DNM3: variants seen among roughly 807,000 people sequenced by gnomAD.
The protein encoded by DNM3 is dynamin 3, also known as dynamin-3.
DNM3 carries 47 observed loss-of-function variants against 101.6 expected under a neutral mutation model. The observed-to-expected ratio is 0.46, with a 90% CI of 0.37 to 0.59. The LOEUF is 0.59. Ranked by LOEUF, DNM3 falls within the 20% of genes least tolerant of loss-of-function variation. The pLI is 0.00. For missense variants in DNM3, 849 were observed against 1,085.7 expected (o/e 0.78, Z 3.06); for synonymous variants, 385 against 387.9 (o/e 0.99, Z 0.09).
At chr1:172,208,200 A>G (rs2060388384) in intron 14 of DNM3, among the ~76,000 whole-genome samples, 1 of 152,080 alleles carries the variant, frequency 6.6e-6, no homozygotes, top group African/African-American at 2.4e-5. Context: ...GTAGTAGAAG[A>G]CAGAAAACAG....
intron 2 of DNM3, among the ~76,000 whole-genome samples, chr1:171,976,916 A>G (rs887389855): frequency 3.3e-5 from 5 of 152,234 alleles, no homozygotes; most frequent in Non-Finnish European, 5.9e-5. Flanking sequence ...GGGAAACAGT[A>G]TTTTCATTTT....
chr1:172,332,309 C>CT (rs1558007192), intron 17 of DNM3, among the ~76,000 whole-genome samples: 2 of 152,190 alleles, frequency 1.3e-5, no homozygotes, highest in African/African-American at 2.4e-5. Flanking sequence ...TGGGGCTCCT[C>CT]TTTTTTTACT....
At chr1:172,282,270 G>C (rs2063518913) in intron 15 of DNM3, among the ~76,000 whole-genome samples, 1 of 152,012 alleles carries the variant, frequency 6.6e-6, no homozygotes, top group Admixed American at 6.6e-5. Flanking sequence ...ATATGGCCTT[G>C]TGAACTAATC....
chr1:172,177,396 G>T lies in DNM3; in HGVS notation c.1659+46108G>T, dbSNP rs1006284698. On this transcript the variant is annotated intron_variant, in intron 14 of 20. Coordinates refer to ENST00000627582, the MANE Select transcript of DNM3 (RefSeq NM_015569.5). ...ATAAATTCGACTTTATCATAGCTATGTATGTATGGGAAAAAAGACATGGTA... is the reference window on the plus strand; with the variant it reads ...ATAAATTCGACTTTATCATAGCTATTTATGTATGGGAAAAAAGACATGGTA... Among the ~76,000 whole-genome samples, 47 of 151,898 alleles carry T rather than the reference G, an allele frequency of 3.1e-4. 1 individual carries two copies. Among genetic ancestry groups the T allele is most frequent in the African/African-American group, 1.1e-3 (46 of 41,484 alleles).
chr1:172,338,132 G>A (rs939946901), intron 17 of DNM3, among the ~76,000 whole-genome samples: 2 of 151,798 alleles, frequency 1.3e-5, no homozygotes, highest in African/African-American at 4.8e-5. Context: ...GGCCAGGCTG[G>A]TCTCGAACTC....
intron 14 of DNM3, chr1:172,137,980 T>G (rs1481480381): frequency 6.6e-6 from 1 of 152,130 alleles, no homozygotes; most frequent in Admixed American, 6.6e-5. Flanking sequence ...TGCCTGAACA[T>G]CTCAAGATCT....
intron 14 of DNM3, among the ~76,000 whole-genome samples, chr1:172,236,886 G>A (rs4916245): frequency 0.36 from 55,042 of 151,920 alleles, 12,324 homozygotes; most frequent in Non-Finnish European, 0.47. Flanking sequence ...ATGTGAAGCA[G>A]CTTTTCTTAC....
intron 14 of DNM3, among the ~76,000 whole-genome samples, chr1:172,160,318 T>A (rs1373689981): frequency 6.6e-6 from 1 of 152,116 alleles, no homozygotes; most frequent in African/African-American, 2.4e-5. Context: ...TTCAAATTTT[T>A]AAAAACTTCT....
At chr1:171,859,795 A>G (rs2033985994) in intron 1 of DNM3, among the ~76,000 whole-genome samples, 3 of 152,196 alleles carry the variant, frequency 2.0e-5, no homozygotes, top group Admixed American at 2.0e-4. Flanking sequence ...TGGTCAGGGA[A>G]GCCAGTCTGA....
intron 16 of DNM3, among the ~76,000 whole-genome samples, chr1:172,315,307 A>C (rs1439997285): frequency 6.6e-6 from 1 of 152,194 alleles, no homozygotes; most frequent in Non-Finnish European, 1.5e-5. Flanking sequence ...AGAGCAGAAA[A>C]ACTGGAAACT....
rs1255470240 is a variant in DNM3 at position 172,407,934 on chromosome 1, T to A, written c.*93T>A. On this transcript the variant is annotated 3_prime_UTR_variant, in exon 21 of 21. Coordinates refer to ENST00000627582, the MANE Select transcript of DNM3 (RefSeq NM_015569.5). ...GCAGTAAATCATGAGTAGTCGCATG[T>A]GTGGACATCAGTAGGCAAGTAACCA... The A allele has an allele frequency of 2.5e-6, 4 of 1,599,030 alleles. No individual in the cohort carries two copies. The highest frequency in any genetic ancestry group is 3.4e-6 in the Non-Finnish European group (4 of 1,170,688).
chr1:172,239,798 C>CTTTTTTTTTTTTTTTTTTTTTTTTTTT lies in DNM3; in HGVS notation c.1660-13774_1660-13773insTTTTTTTTTTTTTTTTTTTTTTTTTTT, dbSNP rs369238528. Among the ~76,000 whole-genome samples the CTTTTTTTTTTTTTTTTTTTTTTTTTTT allele has an allele frequency of 3.7e-5, 4 of 106,868 alleles. 2 individuals are homozygous for CTTTTTTTTTTTTTTTTTTTTTTTTTTT. The allele number at this position is 106,868 out of a possible 152,430, so 70.1% of individuals were successfully genotyped here. A position where few individuals can be genotyped will look rare whatever the true frequency, so the allele number is the denominator to read the frequency against. On this transcript the variant is annotated intron_variant, in intron 14 of 20. Transcript: ENST00000627582. ...TTTCTCCAGCCCTGTCTTTTTTTTT[C>CTTTTTTTTTTTTTTTTTTTTTTTTTTT]TCTTTTTTTTTTTTTTTTTTTTGTA...
intron 14 of DNM3, among the ~76,000 whole-genome samples, chr1:172,194,135 G>A (rs1245263414): frequency 1.3e-5 from 2 of 152,124 alleles, no homozygotes; most frequent in African/African-American, 4.8e-5. Context: ...AGTCATTCAG[G>A]AGCAGGTTGT....
At chr1:172,114,352 G>C (rs2055735988) in intron 13 of DNM3, among the ~76,000 whole-genome samples, 1 of 152,206 alleles carries the variant, frequency 6.6e-6, no homozygotes, top group Non-Finnish European at 1.5e-5. Flanking sequence ...GTGGCAAAGA[G>C]TGGAAAGAGA....
chr1:172,038,655 A>G (rs2049140596), intron 7 of DNM3, among the ~76,000 whole-genome samples, 194 bp downstream of exon 7: 1 of 152,162 alleles, frequency 6.6e-6, no homozygotes, highest in African/African-American at 2.4e-5. Flanking sequence ...GTTATTATCA[A>G]CTTACCAGTT....
At chr1:172,294,721 T>G (rs1033761841) in intron 15 of DNM3, among the ~76,000 whole-genome samples, 7 of 152,098 alleles carry the variant, frequency 4.6e-5, no homozygotes, top group Non-Finnish European at 1.0e-4. Context: ...GAGACCAGCC[T>G]AGACAATCTG....
intron 1 of DNM3, among the ~76,000 whole-genome samples, chr1:171,888,277 G>A (rs2036956869): frequency 6.6e-6 from 1 of 152,040 alleles, no homozygotes; most frequent in African/African-American, 2.4e-5. Context: ...AAAGGATAGT[G>A]GAGCTGGGAA....
chr1:172,093,741 T>G, intron 13 of DNM3: 1 of 1,602,700 alleles, frequency 6.2e-7, no homozygotes, highest in Non-Finnish European at 8.5e-7. Context: ...AGCTAAGTTC[T>G]GTAAGCTTTA....
At chr1:172,305,209 C>G (rs549419912) in intron 15 of DNM3, among the ~76,000 whole-genome samples, 65 of 151,968 alleles carry the variant, frequency 4.3e-4, no homozygotes, top group Non-Finnish European at 8.8e-4. Flanking sequence ...ATATCATCAC[C>G]GATCCCACAG....
Sources: allele counts gnomAD v4.1 joint callset (sites outside exome capture counted in the v4.1 genomes callset), GRCh38; gene constraint gnomAD v4.1.1; transcripts MANE v1.5; gene names NCBI Gene and HGNC (gene_info 2026-07-23, HGNC 2026-07-21).